The following PPA2 variants were observed in gnomAD, a reference collection of about 807,000 sequenced individuals.
PPA2 encodes the protein inorganic pyrophosphatase 2.
In PPA2, 48 loss-of-function variants were observed where a neutral mutation model predicts 49.5. That is an observed-to-expected ratio of 0.97 (90% CI 0.77 to 1.23). PPA2 has a LOEUF of 1.23. PPA2 is among the 50% of genes most tolerant of loss of function. PPA2 has a pLI of 0.00. For missense variants in PPA2, 429 were observed against 410.1 expected (o/e 1.05, Z -0.40); for synonymous variants, 131 against 139.9 (o/e 0.94, Z 0.45).
chr4:105,468,587 C>A (rs1406360970), intron 1 of PPA2, among the ~76,000 whole-genome samples: 1 of 152,094 alleles, frequency 6.6e-6, no homozygotes, highest in Non-Finnish European at 1.5e-5. Context: ...TTAGGTGATC[C>A]TTGACTATTT....
At chr4:105,456,629 T>C in intron 2 of PPA2, 52 bp downstream of exon 2, 1 of 1,424,268 alleles carries the variant, frequency 7.0e-7, no homozygotes. Context: ...AAGCATCTAA[T>C]GGTGATACTG....
At chr4:105,412,313 G>GA (rs1456224704) in intron 7 of PPA2, among the ~76,000 whole-genome samples, 4 of 152,106 alleles carry the variant, frequency 2.6e-5, no homozygotes, top group African/African-American at 9.7e-5. Context: ...TCTGATCCTT[G>GA]AAAAACCTGA....
chr4:105,430,391 T>C (rs1380463269), intron 6 of PPA2, among the ~76,000 whole-genome samples: 1 of 152,250 alleles, frequency 6.6e-6, no homozygotes, highest in Non-Finnish European at 1.5e-5. Context: ...GACACTCACA[T>C]GTTTAGCCTC....
chr4:105,387,237 C>G (rs1239463880), intron 9 of PPA2, among the ~76,000 whole-genome samples: 1 of 152,130 alleles, frequency 6.6e-6, no homozygotes, highest in Non-Finnish European at 1.5e-5. Context: ...TACTGCCACT[C>G]TCTAGATGAA....
At chr4:105,405,730 C>T (rs1273696089) in intron 7 of PPA2, 7 of 770,478 alleles carry the variant, frequency 9.1e-6, no homozygotes, top group Non-Finnish European at 1.3e-5. Flanking sequence ...AAATAGATAC[C>T]TTATAAACAG....
intron 1 of PPA2, among the ~76,000 whole-genome samples, chr4:105,471,346 C>T (rs1333210401): frequency 6.6e-6 from 1 of 152,186 alleles, no homozygotes; most frequent in African/African-American, 2.4e-5. Flanking sequence ...ACTCTTTCTA[C>T]AAAGTTTAAC....
rs182928989 is a variant in PPA2, at chr4:105,425,384, C to A, written c.529-1062G>T. On this transcript the variant is annotated intron_variant, in intron 6 of 11. Transcript: ENST00000341695. ...AGAGAGAAATAGAAAACAAAAAAAA[C>A]CAAATAGAACTTTAAGAGCTAAGAC... Among the ~76,000 whole-genome samples the A allele has an allele frequency of 1.0e-3, 155 of 151,748 alleles. 1 individual carries two copies. In the South Asian group the frequency reaches 0.014, roughly 13 times the overall value.
At position 105,453,597 on chromosome 4, in the gene PPA2, C is replaced by A. The variant is rs1365748023; in HGVS notation, c.267+1G>T. ...ACAAAAATAAAAACCTTTGGATATA[C>A]CTCATATTCATCATTTCGTGCTTTC... On this transcript the variant is annotated splice_donor_variant, in intron 3 of 11. Coordinates refer to ENST00000341695, the MANE Select transcript of PPA2 (RefSeq NM_176869.3). LOFTEE classifies it high-confidence loss of function. 4.4e-6 allele frequency: 7 copies of A among 1,600,370 alleles called. No homozygotes were observed. Among genetic ancestry groups the A allele is most frequent in the South Asian group, 1.1e-5 (1 of 88,476 alleles).
In PPA2 at chr4:105,449,216, C is replaced by CA. The variant is rs576525217; in HGVS notation, c.321+133dup. ...TGGGCGACAGAGCGAGACTCCGTCT[C>CA]AAAAAAAAAAAAAAAAAAAAAAAAA... On this transcript the variant is annotated intron_variant, in intron 4 of 11. Transcript: ENST00000341695. The CA allele has an allele frequency of 1.0e-4, 21 of 202,982 alleles. 1 individual carries two copies. Among genetic ancestry groups the CA allele is most frequent in the East Asian group, 1.9e-4 (1 of 5,146 alleles). The allele number at this position is 202,982 out of a possible 1,614,324, so 12.6% of individuals were successfully genotyped here. A position where few individuals can be genotyped will look rare whatever the true frequency, so the allele number is the denominator to read the frequency against.
chr4:105,437,975 A>G lies in PPA2; in HGVS notation c.503T>C (p.Ile168Thr), dbSNP rs760824971. 7.5e-6 allele frequency: 12 copies of G among 1,609,726 alleles called. No individual in the cohort carries two copies. The South Asian group carries it at 1.3e-4, about 18-fold the overall frequency. The change falls in exon 6 of 12, where the codon ATT becomes ACT. Residue 168 changes from isoleucine to threonine, a missense_variant. Coordinates refer to ENST00000341695, the MANE Select transcript of PPA2 (RefSeq NM_176869.3). ...CTTTGAGCCTATTTCGCAAACATCAATAGGATCATTATCTCCAAAGCAGTT... is the reference window on the plus strand; with the variant it reads ...CTTTGAGCCTATTTCGCAAACATCAGTAGGATCATTATCTCCAAAGCAGTT... ...STNCFGDNDP[I>T]DVCEIGSKIL... is the part of the protein sequence containing the mutation.
chr4:105,369,608 A>T lies in PPA2; in HGVS notation c.*117T>A. 1.1e-6 allele frequency: 1 copy of T among 906,062 alleles called. No homozygotes were observed. The highest frequency in any genetic ancestry group is 1.8e-6 in the Non-Finnish European group (1 of 563,858). 56.1% of individuals were successfully genotyped at this position (906,062 alleles called of 1,614,324 possible). A position where few individuals can be genotyped will look rare whatever the true frequency, so the allele number is the denominator to read the frequency against. On this transcript the variant is annotated 3_prime_UTR_variant, in exon 12 of 12. Transcript: ENST00000341695. ...TATTTATATATTGCATAGCTCAAAA[A>T]GTTTGAAAAAATGAAGTTTTAACAG...
In PPA2 at chr4:105,376,612, A is replaced by ATTAAGCT. The variant is rs1733263604; in HGVS notation, c.940-5746_940-5740dup. Among the ~76,000 whole-genome samples the ATTAAGCT allele has an allele frequency of 2.0e-5, 3 of 152,316 alleles. 1 individual carries two copies. The highest frequency in any genetic ancestry group is 7.2e-5 in the African/African-American group (3 of 41,586). On this transcript the variant is annotated intron_variant, in intron 10 of 11. Coordinates refer to ENST00000341695, the MANE Select transcript of PPA2 (RefSeq NM_176869.3). Reference sequence around the variant, plus strand: ...TTCTATCTGCTCAGTTTTAGAAGTCATTAAGCTTTTGAACTTCTTCCATCA... The same window carrying ATTAAGCT: ...TTCTATCTGCTCAGTTTTAGAAGTCATTAAGCTTTAAGCTTTTGAACTTCTTCCATCA...
chr4:105,459,749 A>G lies in PPA2; in HGVS notation c.158-3004T>C, dbSNP rs955634797. Among the ~76,000 whole-genome samples the G allele has an allele frequency of 2.6e-5, 4 of 152,254 alleles. No individual in the cohort carries two copies. The East Asian group carries it at 5.8e-4, about 22-fold the overall frequency. ...ATTAATTATTCCACAATAAAAAGGA[A>G]TGCACTATTGATACACACAATAAAA... is the stretch of plus-strand genomic sequence containing the variant. On this transcript the variant is annotated intron_variant, in intron 1 of 11. Transcript: ENST00000341695.
intron 5 of PPA2, among the ~76,000 whole-genome samples, chr4:105,441,008 C>T (rs936421275): frequency 3.3e-5 from 5 of 152,206 alleles, no homozygotes; most frequent in Non-Finnish European, 7.3e-5. Context: ...GACACACTAA[C>T]TCACCTCTAA....
intron 3 of PPA2, among the ~76,000 whole-genome samples, chr4:105,452,903 A>G (rs1722729352): frequency 6.6e-6 from 1 of 151,794 alleles, no homozygotes; most frequent in Non-Finnish European, 1.5e-5. Context: ...TATTCATTTT[A>G]GCATACATTT....
At chr4:105,430,771 A>T (rs1406948575) in intron 6 of PPA2, among the ~76,000 whole-genome samples, 1 of 152,240 alleles carries the variant, frequency 6.6e-6, no homozygotes, top group African/African-American at 2.4e-5. Flanking sequence ...TGAAATATTT[A>T]TAAGGAAAAA....
chr4:105,412,256 T>C (rs1271805457), intron 7 of PPA2, among the ~76,000 whole-genome samples: 1 of 151,990 alleles, frequency 6.6e-6, no homozygotes, highest in Admixed American at 6.6e-5. Flanking sequence ...TATAGACCAA[T>C]GGAACAGAAC....
At chr4:105,388,889 T>C (rs1050813224) in intron 9 of PPA2, among the ~76,000 whole-genome samples, 1 of 147,302 alleles carries the variant, frequency 6.8e-6, no homozygotes, top group Non-Finnish European at 1.5e-5. Flanking sequence ...GGCAAGCACA[T>C]ACAAATGAAC....
rs965608855 is a variant in PPA2 at position 105,446,631 on chromosome 4, G to A, written c.322-129C>T. 2.3e-5 allele frequency: 27 copies of A among 1,159,712 alleles called. No homozygotes were observed. In the African/African-American group the frequency reaches 2.9e-4, roughly 12 times the overall value. 71.8% of individuals were successfully genotyped at this position (1,159,712 alleles called of 1,614,324 possible). A position where few individuals can be genotyped will look rare whatever the true frequency, so the allele number is the denominator to read the frequency against. Reference sequence around the variant, plus strand: ...ATATTTCAACTTAATGATCAAAGATGCTTTAAAAGAAATTAAGCCAGCTCT... The same window carrying A: ...ATATTTCAACTTAATGATCAAAGATACTTTAAAAGAAATTAAGCCAGCTCT... On this transcript the variant is annotated intron_variant, in intron 4 of 11. Coordinates refer to ENST00000341695, the MANE Select transcript of PPA2 (RefSeq NM_176869.3).
Sources: allele counts gnomAD v4.1 joint callset (sites outside exome capture counted in the v4.1 genomes callset), GRCh38; gene constraint gnomAD v4.1.1; transcripts MANE v1.5; gene names NCBI Gene and HGNC (gene_info 2026-07-23, HGNC 2026-07-21).